The following AGBL3 variants were observed in gnomAD, a reference collection of about 807,000 sequenced individuals.
AGBL3 encodes the protein AGBL carboxypeptidase 3, also known as cytosolic carboxypeptidase 3.
In AGBL3, 68 loss-of-function variants were observed where a neutral mutation model predicts 94.5. The ratio of observed to expected loss-of-function variants is 0.72; its 90% confidence interval spans 0.59 to 0.88. The LOEUF (loss-of-function observed/expected upper bound fraction) is 0.88, where lower values mean the gene tolerates loss of function less well. Ranked by LOEUF, AGBL3 falls within the 40% of genes least tolerant of loss-of-function variation. AGBL3 has a pLI of 0.00. For missense variants in AGBL3, 934 were observed against 1,103.8 expected (o/e 0.85, Z 2.18); for synonymous variants, 354 against 370.7 (o/e 0.95, Z 0.52).
At position 135,069,952 on chromosome 7, in the gene AGBL3, C is replaced by T. The variant is rs1315984109; in HGVS notation, c.1909-6445C>T. Among the ~76,000 whole-genome samples the T allele has an allele frequency of 2.1e-5, 3 of 144,856 alleles. No individual in the cohort carries two copies. In the South Asian group the frequency reaches 6.6e-4, roughly 32 times the overall value. On this transcript the variant is annotated intron_variant, in intron 12 of 16. Coordinates refer to ENST00000436302, the MANE Select transcript of AGBL3 (RefSeq NM_178563.4). ...AATCCAGGAGCTGGTTTTTTGAAAA[C>T]ATCAACAAAATTGATAGACTGCTAG...
chr7:135,129,506 A>T, intron 16 of AGBL3: 1 of 772,812 alleles, frequency 1.3e-6, no homozygotes, highest in African/African-American at 1.7e-5. Flanking sequence ...CCATAGAGAA[A>T]TTAGATGGAT....
intron 15 of AGBL3, among the ~76,000 whole-genome samples, chr7:135,096,588 G>GATAGATAGATAGATAGATAC (rs1563260182): frequency 1.0e-4 from 12 of 120,216 alleles, no homozygotes; most frequent in East Asian, 2.0e-4. Context: ...TAGATACATA[G>GATAGATAGATAGATAGATAC]ATAGATAGAT....
intron 16 of AGBL3, among the ~76,000 whole-genome samples, chr7:135,120,260 A>C (rs1167791605): frequency 6.6e-6 from 1 of 152,242 alleles, no homozygotes; most frequent in Non-Finnish European, 1.5e-5. Flanking sequence ...TGGTTGAAGC[A>C]AAAATTATAA....
At chr7:134,988,081 A>T in intron 2 of AGBL3, 85 bp downstream of exon 2, 1 of 1,045,598 alleles carries the variant, frequency 9.6e-7, no homozygotes, top group Non-Finnish European at 1.4e-6. Context: ...AATCAATTGG[A>T]TATAAAAATC....
At chr7:135,061,742 G>A (rs1409010389) in intron 12 of AGBL3, among the ~76,000 whole-genome samples, 8 of 151,996 alleles carry the variant, frequency 5.3e-5, no homozygotes, top group African/African-American at 1.9e-4. Flanking sequence ...ATTGGTTTAT[G>A]TGTCTGTTTT....
At chr7:135,103,580 T>C (rs1824189579) in intron 15 of AGBL3, among the ~76,000 whole-genome samples, 1 of 152,230 alleles carries the variant, frequency 6.6e-6, no homozygotes, top group South Asian at 2.1e-4. Flanking sequence ...TTCTGACATA[T>C]GGAAACCCAT....
chr7:135,026,659 A>T (rs1284063654), intron 5 of AGBL3, among the ~76,000 whole-genome samples: 1 of 151,690 alleles, frequency 6.6e-6, no homozygotes, highest in Non-Finnish European at 1.5e-5. Flanking sequence ...TATAGTCAAT[A>T]CCAGTTTTCT....
At chr7:135,056,527 C>T (rs1254067835) in intron 11 of AGBL3, among the ~76,000 whole-genome samples, 2 of 151,494 alleles carry the variant, frequency 1.3e-5, no homozygotes, top group Non-Finnish European at 2.9e-5. Flanking sequence ...TTTTTAAAAA[C>T]CTGAAACTAA....
intron 15 of AGBL3, among the ~76,000 whole-genome samples, chr7:135,110,800 A>C (rs1406459032): frequency 6.6e-6 from 1 of 152,120 alleles, no homozygotes; most frequent in Non-Finnish European, 1.5e-5. Flanking sequence ...CACTTTCTTA[A>C]CAATGTCCTT....
chr7:134,993,792 A>C, intron 4 of AGBL3, 114 bp downstream of exon 4: 4 of 839,424 alleles, frequency 4.8e-6, no homozygotes, highest in Non-Finnish European at 6.7e-6. Flanking sequence ...CAGAAATATA[A>C]CATGAGCCAC....
chr7:135,021,662 G>GTT (rs1814490043), intron 5 of AGBL3, among the ~76,000 whole-genome samples: 1 of 22,168 alleles, frequency 4.5e-5, no homozygotes, highest in Non-Finnish European at 2.5e-4. Context: ...ATTGGGATTT[G>GTT]CTTTTTTTTT....
At chr7:135,094,597 A>G in intron 15 of AGBL3, 1 of 453,672 alleles carries the variant, frequency 2.2e-6, no homozygotes, top group Non-Finnish European at 4.4e-6. Flanking sequence ...AAAGGGGAGA[A>G]GAAGAGTAAA....
intron 4 of AGBL3, among the ~76,000 whole-genome samples, chr7:134,996,198 C>A (rs1459843198): frequency 1.3e-5 from 2 of 152,112 alleles, no homozygotes; most frequent in Admixed American, 6.6e-5. Flanking sequence ...TTTCCAGGGG[C>A]CTTATTCACA....
At chr7:135,037,271 T>C in intron 7 of AGBL3, 147 bp from the exon 8 acceptor site, 1 of 541,098 alleles carries the variant, frequency 1.8e-6, no homozygotes, top group Non-Finnish European at 2.9e-6. Context: ...TAAAAAATTG[T>C]ATATTAATAA....
chr7:135,121,672 A>G (rs1221944199), intron 16 of AGBL3, among the ~76,000 whole-genome samples: 1 of 152,110 alleles, frequency 6.6e-6, no homozygotes, highest in African/African-American at 2.4e-5. Flanking sequence ...CGGCATTCGG[A>G]GGCTCCCATT....
chr7:135,102,216 C>T (rs1431827231), intron 15 of AGBL3, among the ~76,000 whole-genome samples: 3 of 152,158 alleles, frequency 2.0e-5, no homozygotes, highest in Non-Finnish European at 4.4e-5. Flanking sequence ...TCTGTGATTA[C>T]TTAAATATTA....
chr7:134,992,874 T>C (rs978974770), intron 3 of AGBL3, among the ~76,000 whole-genome samples: 2 of 151,936 alleles, frequency 1.3e-5, no homozygotes, highest in Admixed American at 6.5e-5. Context: ...AAACCAAATA[T>C]GTGGAAGGGA....
At chr7:135,111,949 A>G (rs1469632551) in intron 15 of AGBL3, among the ~76,000 whole-genome samples, 1 of 151,974 alleles carries the variant, frequency 6.6e-6, no homozygotes, top group African/African-American at 2.4e-5. Context: ...CCGCACAGGC[A>G]CTTCTATTCA....
At chr7:135,066,311 G>A (rs1229236349) in intron 12 of AGBL3, among the ~76,000 whole-genome samples, 2 of 152,100 alleles carry the variant, frequency 1.3e-5, no homozygotes, top group Non-Finnish European at 2.9e-5. Context: ...TTTTAAAATG[G>A]GCTAAGTACT....
Sources: gnomAD v4.1 joint callset for allele counts (sites outside exome capture counted in the v4.1 genomes callset) on GRCh38, gnomAD v4.1.1 for gene constraint, MANE v1.5 for transcripts, NCBI Gene and HGNC (gene_info 2026-07-23, HGNC 2026-07-21) for gene names.